SKP2: variants seen among roughly 807,000 people sequenced by gnomAD.
The protein encoded by SKP2 is S-phase kinase-associated protein 2.
A neutral mutation model predicts 51.8 loss-of-function variants in SKP2; 16 were observed. The observed-to-expected ratio is 0.31, with a 90% CI of 0.21 to 0.47. SKP2 has a LOEUF of 0.47. Ranked by LOEUF, SKP2 falls within the 20% of genes least tolerant of loss-of-function variation. SKP2 has a pLI of 1.00. For missense variants in SKP2, 377 were observed against 505.3 expected, an observed-to-expected ratio of 0.75 and a Z score of 2.43; for synonymous variants, 176 against 198.6, an observed-to-expected ratio of 0.89 and a Z score of 0.96.
downstream of SKP2, among the ~76,000 whole-genome samples, chr5:36,189,285 AG>A (rs1177795942): frequency 7.9e-5 from 12 of 152,004 alleles, no homozygotes; most frequent in Non-Finnish European, 1.0e-4. Flanking sequence ...GTTCCTTTGG[AG>A]GGGGAGAGGT....
chr5:36,167,644 G>A (rs969968182), intron 4 of SKP2, among the ~76,000 whole-genome samples: 2 of 151,706 alleles, frequency 1.3e-5, no homozygotes, highest in Non-Finnish European at 2.9e-5. Context: ...TTTTTGAGAC[G>A]GAGTCTTGCT....
intron 2 of SKP2, among the ~76,000 whole-genome samples, chr5:36,155,849 G>T (rs995218132): frequency 5.3e-5 from 8 of 152,168 alleles, no homozygotes; most frequent in African/African-American, 1.9e-4. Context: ...AGGCACTGTG[G>T]GAACAAGACA....
At chr5:36,173,050 GT>G (rs879584914) in intron 7 of SKP2, among the ~76,000 whole-genome samples, 35 of 141,524 alleles carry the variant, frequency 2.5e-4, no homozygotes, top group East Asian at 4.1e-4. Flanking sequence ...TACAAAAACT[GT>G]TTTTTTTTTT....
chr5:36,175,974 A>G (rs1027445213), intron 7 of SKP2, among the ~76,000 whole-genome samples: 1 of 152,044 alleles, frequency 6.6e-6, no homozygotes, highest in Non-Finnish European at 1.5e-5. Flanking sequence ...TCAGTTCACT[A>G]TCCAAAAAAA....
Position 36,167,917 on chromosome 5 carries a change from C to G in SKP2, c.537-396C>G, listed in dbSNP as rs111956752. On this transcript the variant is annotated intron_variant, in intron 4 of 9. Coordinates refer to ENST00000274255, the MANE Select transcript of SKP2 (RefSeq NM_005983.4). ...ACAGGCGTGAGCCACTGCGCCCAGCCTGGTCTCCCTTTAAAACTTTCTCTT... is the reference window on the plus strand; with the variant it reads ...ACAGGCGTGAGCCACTGCGCCCAGCGTGGTCTCCCTTTAAAACTTTCTCTT... Among the ~76,000 whole-genome samples the G allele has an allele frequency of 3.6e-3, 541 of 152,312 alleles. 6 individuals carry two copies. Among genetic ancestry groups the G allele is most frequent in the African/African-American group, 0.013 (522 of 41,574 alleles).
intron 7 of SKP2, among the ~76,000 whole-genome samples, chr5:36,173,777 G>A (rs907096914): frequency 6.6e-6 from 1 of 151,894 alleles, no homozygotes; most frequent in South Asian, 2.1e-4. Flanking sequence ...TATACCATGG[G>A]GATAAAAAGT....
intron 6 of SKP2, among the ~76,000 whole-genome samples, chr5:36,192,131 T>A (rs917835621): frequency 6.6e-6 from 1 of 152,208 alleles, no homozygotes; most frequent in Admixed American, 6.5e-5. Context: ...TTAAAGCCCG[T>A]AAGACTTAAA....
intron 3 of SKP2, 78 bp from the exon 4 acceptor site, chr5:36,166,441 A>G: frequency 7.9e-7 from 1 of 1,259,962 alleles, no homozygotes; most frequent in Non-Finnish European, 1.2e-6. Flanking sequence ...GCAGTGTCCT[A>G]CCTGTTAGTA....
chr5:36,161,829 A>G (rs575544634), intron 2 of SKP2, among the ~76,000 whole-genome samples: 54 of 152,298 alleles, frequency 3.5e-4, no homozygotes, highest in African/African-American at 1.2e-3. Flanking sequence ...TGGGAGTAGG[A>G]GGAGAGAATA....
At chr5:36,184,975 T>G (rs1745931924), downstream of SKP2, among the ~76,000 whole-genome samples, 1 of 152,218 alleles carries the variant, frequency 6.6e-6, no homozygotes, top group Non-Finnish European at 1.5e-5. Flanking sequence ...TGAGATGGTA[T>G]CTCATTGTGG....
chr5:36,188,949 A>G (rs887206498), downstream of SKP2, among the ~76,000 whole-genome samples: 29 of 151,776 alleles, frequency 1.9e-4, no homozygotes, highest in African/African-American at 6.8e-4. Flanking sequence ...TTTTTTCTCT[A>G]AACTTCTCAC....
Position 36,182,240 on chromosome 5 carries a change from G to A in SKP2, c.*209G>A, listed in dbSNP as rs1368990973. 12 of 1,348,368 alleles carry A rather than the reference G, an allele frequency of 8.9e-6. No individual in the cohort carries two copies. Among genetic ancestry groups the A allele is most frequent in the African/African-American group, 4.4e-5 (3 of 68,392 alleles). The allele number at this position is 1,348,368 out of a possible 1,614,324, so 83.5% of individuals were successfully genotyped here. On this transcript the variant is annotated 3_prime_UTR_variant, in exon 10 of 10. Transcript: ENST00000274255. ...TTCTATCACTGCTTTGCTCTTAAGAGCCAAAGTTGTAGGCCTTTTGAAATT... is the reference window on the plus strand; with the variant it reads ...TTCTATCACTGCTTTGCTCTTAAGAACCAAAGTTGTAGGCCTTTTGAAATT...
chr5:36,168,202 A>G lies in SKP2; in HGVS notation c.537-111A>G, dbSNP rs1745350952. Reference sequence around the variant, plus strand: ...TAGTTAATGCTTGAAGTATGTATTTAGAGTCTTGTTTGTGATTGGCTGCTC... The same window carrying G: ...TAGTTAATGCTTGAAGTATGTATTTGGAGTCTTGTTTGTGATTGGCTGCTC... On this transcript the variant is annotated intron_variant, in intron 4 of 9. Coordinates refer to ENST00000274255, the MANE Select transcript of SKP2 (RefSeq NM_005983.4). 3 of 907,296 alleles carry G rather than the reference A, an allele frequency of 3.3e-6. No individual in the cohort carries two copies. The East Asian group carries it at 7.2e-5, about 22-fold the overall frequency. 56.2% of individuals were successfully genotyped at this position (907,296 alleles called of 1,614,324 possible).
chr5:36,160,802 T>C (rs1745098764), intron 2 of SKP2, among the ~76,000 whole-genome samples: 1 of 152,316 alleles, frequency 6.6e-6, no homozygotes, highest in East Asian at 1.9e-4. Context: ...GGAGGAACTT[T>C]GTGGCAGTGA....
chr5:36,156,348 G>A (rs1744946582), intron 2 of SKP2, among the ~76,000 whole-genome samples: 1 of 152,176 alleles, frequency 6.6e-6, no homozygotes, highest in Non-Finnish European at 1.5e-5. Flanking sequence ...CAGGATTAGG[G>A]TAGAACAGGC....
chr5:36,155,718 G>T (rs1312881340), intron 2 of SKP2, among the ~76,000 whole-genome samples: 1 of 152,136 alleles, frequency 6.6e-6, no homozygotes, highest in Non-Finnish European at 1.5e-5. Context: ...CAAATATGGC[G>T]AAAGATACTT....
chr5:36,164,634 G>A (rs1449384565), intron 3 of SKP2, among the ~76,000 whole-genome samples: 11 of 152,140 alleles, frequency 7.2e-5, no homozygotes, highest in Admixed American at 7.2e-4. Flanking sequence ...ACAGGTGTGG[G>A]TTGTTTGCTT....
intron 5 of SKP2, among the ~76,000 whole-genome samples, chr5:36,169,247 C>A (rs912862788): frequency 1.8e-4 from 28 of 152,122 alleles, no homozygotes; most frequent in Admixed American, 1.5e-3. Context: ...GAGTTTGAGA[C>A]CAGCCTGGCC....
At chr5:36,166,469 C>T (rs867671953) in intron 3 of SKP2, 50 bp from the exon 4 acceptor site, 2 of 1,564,408 alleles carry the variant, frequency 1.3e-6, no homozygotes, top group African/African-American at 1.3e-5. Flanking sequence ...TGAGGGCTTC[C>T]AGCATTTAGT....
Sources: allele counts gnomAD v4.1 joint callset (sites outside exome capture counted in the v4.1 genomes callset), GRCh38; gene constraint gnomAD v4.1.1; transcripts MANE v1.5; gene names NCBI Gene and HGNC (gene_info 2026-07-23, HGNC 2026-07-21).